Variants in PSG7 observed in about 807,000 individuals in gnomAD.
PSG7 encodes the protein pregnancy specific beta-1-glycoprotein 7.
Under a neutral mutation model 45.6 loss-of-function variants are expected in PSG7, and 57 were observed. That is an observed-to-expected ratio of 1.25 (90% confidence interval 1.01 to 1.56). PSG7 has a LOEUF of 1.56. Ranked by LOEUF, PSG7 falls within the 40% of genes most tolerant of loss-of-function variation. The probability of loss-of-function intolerance (pLI) is 0.00; values close to 1 mark genes in which losing one functional copy is unlikely to be tolerated. For missense variants in PSG7, 796 were observed against 508.4 expected, an observed-to-expected ratio of 1.57 and a Z score of -5.44; for synonymous variants, 298 against 194.4, an observed-to-expected ratio of 1.53 and a Z score of -4.43.
intron 4 of PSG7, chr19:42,926,230 A>G: frequency 7.2e-7 from 1 of 1,384,990 alleles, no homozygotes; most frequent in Non-Finnish European, 9.7e-7. Context: ...CTCCCATGAC[A>G]AGAGCGTCCA....
At position 42,925,792 on chromosome 19, in the gene PSG7, G is replaced by C; in HGVS notation, c.1224C>G (p.Ser408=). ...NSATGKESSK[S]VTVRVSDWTL... is the part of the protein sequence containing the mutation. ...ACTTACCAGAGACTCTGACTGTCACGGATTTGGAGCTTTCCTTGCCAGTGG... is the reference window on the plus strand; with the variant it reads ...ACTTACCAGAGACTCTGACTGTCACCGATTTGGAGCTTTCCTTGCCAGTGG... Residue 408 remains serine, a synonymous_variant, in exon 5 of 6, where the codon TCC becomes TCG. Transcript: ENST00000406070. The C allele has an allele frequency of 6.2e-7, 1 of 1,612,034 alleles. No homozygotes were observed. The highest frequency in any genetic ancestry group is 8.5e-7 in the Non-Finnish European group (1 of 1,179,028).
chr19:42,936,988 C>A lies in PSG7; in HGVS notation c.64+25G>T, dbSNP rs769492856. On this transcript the variant is annotated intron_variant, in intron 1 of 5. Coordinates refer to ENST00000406070, the MANE Select transcript of PSG7 (RefSeq NM_002783.3). ...AGTCACTCTGCTTCCTTTTCCTGTCCTCTCCCAGGAAGTTCTCTCCTCACC... is the reference window on the plus strand; with the variant it reads ...AGTCACTCTGCTTCCTTTTCCTGTCATCTCCCAGGAAGTTCTCTCCTCACC... 1.6e-5 allele frequency: 25 copies of A among 1,609,194 alleles called. No individual in the cohort carries two copies. The East Asian group carries it at 4.9e-4, about 32-fold the overall frequency.
At chr19:42,933,941 G>T (rs1011202299) in intron 2 of PSG7, among the ~76,000 whole-genome samples, 1 of 151,450 alleles carries the variant, frequency 6.6e-6, no homozygotes, top group Non-Finnish European at 1.5e-5. Flanking sequence ...ACAAGGGACA[G>T]GTGTGGCTAG....
In PSG7 at chr19:42,924,631, T is replaced by A; in HGVS notation, c.*177A>T. ...CCTTGTTTACAGTTTGAGCAGCTGT[T>A]GTTATGGTGTTGAACATTTTGGTGA... On this transcript the variant is annotated 3_prime_UTR_variant, in exon 6 of 6. Transcript: ENST00000406070. The A allele has an allele frequency of 4.4e-6, 3 of 685,924 alleles. No homozygotes were observed. Among genetic ancestry groups the A allele is most frequent in the South Asian group, 1.6e-5 (1 of 61,034 alleles). 42.5% of individuals were successfully genotyped at this position (685,924 alleles called of 1,614,324 possible). A position where few individuals can be genotyped will look rare whatever the true frequency, so the allele number is the denominator to read the frequency against.
chr19:42,926,676 G>T lies in PSG7; in HGVS notation c.750C>A (p.Asn250Lys), dbSNP rs776144914. ...PKPYITINNL[N>K]PRENKDVSTF... ...TTGAGACATCCTTATTCTCCCTGGG[G>T]TTTAAGTTATTGATGGTGATGTAGG... Residue 250 changes from asparagine (N) to lysine (K), a missense_variant, in exon 4 of 6, where the codon AAC (asparagine) becomes AAA (lysine). By Grantham distance (94) the Asn-to-Lys change is moderately conservative. Coordinates refer to ENST00000406070, the MANE Select transcript of PSG7 (RefSeq NM_002783.3). 4.3e-5 allele frequency: 69 copies of T among 1,610,224 alleles called. 1 individual carries two copies. In the Admixed American group the frequency reaches 5.3e-4, roughly 12 times the overall value.
At chr19:42,925,531 A>G (rs530874084) in intron 5 of PSG7, 14 of 1,057,018 alleles carry the variant, frequency 1.3e-5, no homozygotes, top group Non-Finnish European at 1.7e-5. Context: ...ATTATCAATT[A>G]TTTCAATGAA....
In PSG7 at chr19:42,925,779, C is replaced by T. The variant is rs370280963; in HGVS notation, c.1237G>A (p.Val413Ile). The T allele has an allele frequency of 1.0e-4, 166 of 1,612,026 alleles. 4 individuals are homozygous for T. The highest frequency in any genetic ancestry group is 2.2e-4 in the South Asian group (20 of 90,628). The change falls in exon 5 of 6, where the codon GTC (valine) becomes ATC (isoleucine). Residue 413 changes from valine to isoleucine, a missense_variant. By Grantham distance (29) the Val-to-Ile change is conservative. Coordinates refer to ENST00000406070, the MANE Select transcript of PSG7 (RefSeq NM_002783.3). ...KESSKSVTVRVSDWTLP is the reference protein window; with the variant it reads ...KESSKSVTVRISDWTLP ...GATGCTGGGATCCACTTACCAGAGA[C>T]TCTGACTGTCACGGATTTGGAGCTT... is the stretch of plus-strand genomic sequence containing the variant.
In PSG7 at chr19:42,925,872, G is replaced by A. The variant is rs781468442; in HGVS notation, c.1144C>T (p.Pro382Ser). 3 of 1,612,032 alleles carry A rather than the reference G, an allele frequency of 1.9e-6. No individual in the cohort carries two copies. Among genetic ancestry groups the A allele is most frequent in the Non-Finnish European group, 2.5e-6 (3 of 1,179,076 alleles). ...CCGCTATGCTTTGTAGTAATCTGGG[G>A]GATAGAAAGCTTTTGTCCTGATAGC... ...FQLSGQKLSIPQITTKHSGLY... is the reference protein window; with the variant it reads ...FQLSGQKLSISQITTKHSGLY... Residue 382 changes from proline (P) to serine (S), a missense_variant, in exon 5 of 6, where the codon CCC (proline) becomes TCC (serine). Physicochemically the swap from Pro to Ser is moderately conservative, Grantham distance 74 (BLOSUM62 -1). Transcript: ENST00000406070.
At position 42,935,445 on chromosome 19, in the gene PSG7, C is replaced by A. The variant is rs782303349; in HGVS notation, c.389G>T (p.Gly130Val). 2 of 1,612,114 alleles carry A rather than the reference C, an allele frequency of 1.2e-6. No individual in the cohort carries two copies. Among genetic ancestry groups the A allele is most frequent in the South Asian group, 1.1e-5 (1 of 90,790 alleles). The change falls in exon 2 of 6, where the codon GGG (glycine) becomes GTG (valine). Residue 130 changes from glycine to valine, a missense_variant. By Grantham distance (109) the Gly-to-Val change is moderately radical. Transcript: ENST00000406070. ...YTLHIIKRGD[G>V]TGGVTGRFTF... ...GAAACGTCCAGTTACTCCTCCAGTCCCATCACCTCGCTTTATGATGTGTAA... is the reference window on the plus strand; with the variant it reads ...GAAACGTCCAGTTACTCCTCCAGTCACATCACCTCGCTTTATGATGTGTAA...
At chr19:42,925,004 G>A (rs531044575) in intron 5 of PSG7, 180 bp from the exon 6 acceptor site, 4 of 626,926 alleles carry the variant, frequency 6.4e-6, no homozygotes, top group African/African-American at 5.5e-5. Flanking sequence ...AACTTGGTCT[G>A]ATTGTTTACA....
Position 42,935,908 on chromosome 19 carries a change from ACACACAAAC to A in PSG7, c.65-148_65-140del, listed in dbSNP as rs1258958377. 8.9e-5 allele frequency: 111 copies of A among 1,243,482 alleles called. 1 individual carries two copies. The highest frequency in any genetic ancestry group is 3.1e-4 in the African/African-American group (20 of 63,854). 77.0% of individuals were successfully genotyped at this position (1,243,482 alleles called of 1,614,324 possible). ...CACACACACACACACACACACACAC[ACACACAAAC>A]ACACACACACACATATAAAAGGGGC... On this transcript the variant is annotated intron_variant, in intron 1 of 5. Coordinates refer to ENST00000406070, the MANE Select transcript of PSG7 (RefSeq NM_002783.3).
chr19:42,935,912 AC>A (rs1973143296), intron 1 of PSG7, 143 bp from the exon 2 acceptor site: 147 of 1,205,568 alleles, frequency 1.2e-4, no homozygotes, highest in Middle Eastern at 6.0e-4. Context: ...ACACACACAC[AC>A]AAACACACAC....
In PSG7 at chr19:42,924,484, A is replaced by T; in HGVS notation, c.*324T>A. ...ATTCTAATGACTGCATTATCCTGCC[A>T]AGTGAAAGAGGCAGGCACAAGCAAG... On this transcript the variant is annotated 3_prime_UTR_variant, in exon 6 of 6. Coordinates refer to ENST00000406070, the MANE Select transcript of PSG7 (RefSeq NM_002783.3). The T allele has an allele frequency of 1.8e-6, 1 of 559,352 alleles. No individual in the cohort carries two copies. The highest frequency in any genetic ancestry group is 3.1e-6 in the Non-Finnish European group (1 of 318,148). 34.6% of individuals were successfully genotyped at this position (559,352 alleles called of 1,614,324 possible).
chr19:42,935,442 G>C lies in PSG7; in HGVS notation c.392C>G (p.Thr131Ser), dbSNP rs1973126214. Reference sequence around the variant, plus strand: ...GGTGAAACGTCCAGTTACTCCTCCAGTCCCATCACCTCGCTTTATGATGTG... The same window carrying C: ...GGTGAAACGTCCAGTTACTCCTCCACTCCCATCACCTCGCTTTATGATGTG... ...TLHIIKRGDGTGGVTGRFTFT... is the reference protein window; with the variant it reads ...TLHIIKRGDGSGGVTGRFTFT... The change falls in exon 2 of 6, where the codon ACT (threonine) becomes AGT (serine). Residue 131 changes from threonine (T) to serine (S), a missense_variant. Transcript: ENST00000406070. 1 of 1,612,068 alleles carries C rather than the reference G, an allele frequency of 6.2e-7. No homozygotes were observed. Among genetic ancestry groups the C allele is most frequent in the Non-Finnish European group, 8.5e-7 (1 of 1,179,006 alleles).
intron 3 of PSG7, chr19:42,927,005 C>T (rs1035949830): frequency 7.7e-6 from 4 of 520,842 alleles, no homozygotes; most frequent in Admixed American, 3.4e-5. Flanking sequence ...GGTACCCCTC[C>T]CAGTCCCTCA....
rs1202611465 is a variant in PSG7, at chr19:42,924,442, C to A, written c.*366G>T. 1.9e-6 allele frequency: 1 copy of A among 528,350 alleles called. No individual in the cohort carries two copies. The allele number at this position is 528,350 out of a possible 1,614,324, so 32.7% of individuals were successfully genotyped here. ...CACTCTGTTGTTACCCTCAGAAGCT[C>A]CTATACTACATGTGAAATTCTAATG... On this transcript the variant is annotated 3_prime_UTR_variant, in exon 6 of 6. Coordinates refer to ENST00000406070, the MANE Select transcript of PSG7 (RefSeq NM_002783.3).
At chr19:42,926,266 T>C (rs1034542823) in intron 4 of PSG7, 172 bp downstream of exon 4, 1 of 1,433,440 alleles carries the variant, frequency 7.0e-7, no homozygotes, top group African/African-American at 1.4e-5. Context: ...TGGTTAAGGC[T>C]GTGCCTACCC....
At chr19:42,930,543 G>C (rs750700601) in intron 2 of PSG7, among the ~76,000 whole-genome samples, 1 of 151,790 alleles carries the variant, frequency 6.6e-6, no homozygotes, top group Non-Finnish European at 1.5e-5. Context: ...ATACAGAACT[G>C]ACTGGTGGAA....
chr19:42,935,902 AC>A (rs1973142456), intron 1 of PSG7, 133 bp from the exon 2 acceptor site: 15 of 1,288,768 alleles, frequency 1.2e-5, no homozygotes, highest in Admixed American at 2.4e-5. Context: ...ACACACACAC[AC>A]ACACACACAC....
Sources: allele counts gnomAD v4.1 joint callset (sites outside exome capture counted in the v4.1 genomes callset), GRCh38; gene constraint gnomAD v4.1.1; transcripts MANE v1.5; gene names NCBI Gene and HGNC (gene_info 2026-07-23, HGNC 2026-07-21).